Variants in CDH4 observed in about 807,000 individuals in gnomAD.
CDH4 encodes the protein cadherin 4, also known as cadherin-4.
CDH4 carries 33 observed loss-of-function variants against 86.0 expected under a neutral mutation model. The observed-to-expected ratio is 0.38, with a 90% CI of 0.29 to 0.51. The LOEUF (loss-of-function observed/expected upper bound fraction) is 0.51. Among genes scored for constraint, CDH4 ranks in the 20% least tolerant of loss-of-function variants. The probability of loss-of-function intolerance (pLI) is 0.86; values close to 1 mark genes in which losing one functional copy is unlikely to be tolerated. For synonymous variants in CDH4, 555 were observed against 549.4 expected, an observed-to-expected ratio of 1.01 and a Z score of -0.14; for missense variants, 1,114 against 1,307.4, an observed-to-expected ratio of 0.85 and a Z score of 2.28.
At chr20:61,730,097 G>C (rs2088160850) in intron 2 of CDH4, among the ~76,000 whole-genome samples, 1 of 152,120 alleles carries the variant, frequency 6.6e-6, no homozygotes, top group Non-Finnish European at 1.5e-5. Context: ...TTGCATTCGT[G>C]TGTTGCATTT....
intron 2 of CDH4, among the ~76,000 whole-genome samples, chr20:61,491,800 ATGT>A (rs1243436073): frequency 6.6e-6 from 1 of 151,544 alleles, no homozygotes; most frequent in African/African-American, 2.4e-5. Context: ...AATGGTGTTG[ATGT>A]TGGTGGTGCC....
chr20:61,314,735 G>T (rs1355448124), intron 2 of CDH4, among the ~76,000 whole-genome samples: 1 of 152,128 alleles, frequency 6.6e-6, no homozygotes, highest in African/African-American at 2.4e-5. Context: ...TATCTTCCCA[G>T]CAACAGCGGA....
chr20:61,408,375 G>A (rs1396352801), intron 2 of CDH4, among the ~76,000 whole-genome samples: 4 of 152,140 alleles, frequency 2.6e-5, no homozygotes, highest in Admixed American at 1.3e-4. Flanking sequence ...TGAGGGGAGT[G>A]TTCTGGGGGC....
chr20:61,935,540 C>G (rs2055173044), intron 15 of CDH4, among the ~76,000 whole-genome samples: 2 of 152,196 alleles, frequency 1.3e-5, no homozygotes, highest in South Asian at 4.1e-4. Flanking sequence ...GGTGGATCAC[C>G]TGAGGTCAGG....
intron 2 of CDH4, among the ~76,000 whole-genome samples, chr20:61,349,801 A>G (rs866222898): frequency 7.2e-5 from 11 of 152,208 alleles, no homozygotes; most frequent in Admixed American, 3.3e-4. Context: ...GTACGTGGAA[A>G]GGAGCATGTG....
At chr20:61,920,369 G>A (rs1156681267) in intron 9 of CDH4, among the ~76,000 whole-genome samples, 53 of 2,406 alleles carry the variant, frequency 0.022, 1 homozygote, top group Admixed American at 0.11. Context: ...GAAGCGTGTC[G>A]TGATTGGAAG....
rs866138229 is a variant in CDH4, at chr20:61,457,163, G to A, written c.169+202226G>A. ...CAAGCCACAGTGTTGCTATCACCAC[G>A]GGGGCCCTTTTGGAGACAAGGAGCG... On this transcript the variant is annotated intron_variant, in intron 2 of 15. Transcript: ENST00000614565. Among the ~76,000 whole-genome samples the A allele has an allele frequency of 1.3e-4, 20 of 152,232 alleles. No homozygotes were observed. The South Asian group carries it at 2.5e-3, about 19-fold the overall frequency.
chr20:61,497,935 T>C (rs2085673925), intron 2 of CDH4, among the ~76,000 whole-genome samples: 1 of 151,814 alleles, frequency 6.6e-6, no homozygotes, highest in Non-Finnish European at 1.5e-5. Flanking sequence ...GAAACCATCA[T>C]TCTCAGCAAA....
intron 8 of CDH4, among the ~76,000 whole-genome samples, chr20:61,895,488 C>T (rs900994896): frequency 1.3e-5 from 2 of 152,216 alleles, no homozygotes; most frequent in Non-Finnish European, 2.9e-5. Flanking sequence ...TGTGACTGGG[C>T]CCCATACCGG....
chr20:61,634,800 A>C (rs1021198437), intron 2 of CDH4, among the ~76,000 whole-genome samples: 2 of 152,178 alleles, frequency 1.3e-5, no homozygotes, highest in Non-Finnish European at 2.9e-5. Context: ...CCCATTAAAC[A>C]CAAACTTCCC....
chr20:61,845,385 A>G (rs1982396227), intron 5 of CDH4, among the ~76,000 whole-genome samples: 1 of 152,186 alleles, frequency 6.6e-6, no homozygotes, highest in African/African-American at 2.4e-5. Context: ...GAAATGCTAG[A>G]GAGACGTGGG....
At chr20:61,287,896 G>A (rs2084301762) in intron 2 of CDH4, among the ~76,000 whole-genome samples, 1 of 152,170 alleles carries the variant, frequency 6.6e-6, no homozygotes, top group Non-Finnish European at 1.5e-5. Flanking sequence ...CCAGTGTCCG[G>A]GTGGCACTGT....
chr20:61,448,949 G>A (rs1250267982), intron 2 of CDH4, among the ~76,000 whole-genome samples: 1 of 152,180 alleles, frequency 6.6e-6, no homozygotes, highest in African/African-American at 2.4e-5. Context: ...CAGCTGCAGT[G>A]TCTGGATTCT....
rs183218983 is a variant in CDH4, at chr20:61,680,292, C to T, written c.170-63271C>T. Reference sequence around the variant, plus strand: ...ACAGGGTGCCAGGCTGGGACTAAGACGGGGAAGAAGCTGCTGTGGGACCCG... The same window carrying T: ...ACAGGGTGCCAGGCTGGGACTAAGATGGGGAAGAAGCTGCTGTGGGACCCG... On this transcript the variant is annotated intron_variant, in intron 2 of 15. Coordinates refer to ENST00000614565, the MANE Select transcript of CDH4 (RefSeq NM_001794.5). 2.0e-4 allele frequency among the ~76,000 whole-genome samples: 31 copies of T among 152,298 alleles called. No individual in the cohort carries two copies. In the South Asian group the frequency reaches 2.9e-3, roughly 14 times the overall value.
intron 2 of CDH4, among the ~76,000 whole-genome samples, chr20:61,346,915 A>C (rs1009111328): frequency 1.3e-5 from 2 of 152,024 alleles, no homozygotes; most frequent in African/African-American, 4.8e-5. Context: ...TCTGTCCCTC[A>C]TCCCCATCCC....
chr20:61,861,761 G>A (rs999515003), intron 6 of CDH4, among the ~76,000 whole-genome samples: 33 of 152,216 alleles, frequency 2.2e-4, no homozygotes, highest in Non-Finnish European at 1.9e-4. Flanking sequence ...CATCAGGCAG[G>A]AGGGAGGAGG....
chr20:61,402,991 C>A (rs2145481351), intron 2 of CDH4, among the ~76,000 whole-genome samples: 1 of 152,334 alleles, frequency 6.6e-6, no homozygotes, highest in East Asian at 1.9e-4. Context: ...CGAAGCATCA[C>A]CCTGTCACTA....
chr20:61,576,109 T>C (rs1303181727), intron 2 of CDH4, among the ~76,000 whole-genome samples: 1 of 152,204 alleles, frequency 6.6e-6, no homozygotes, highest in Non-Finnish European at 1.5e-5. Context: ...AGGCACGCAG[T>C]GTGGGCTCCG....
chr20:61,519,408 A>G (rs1478973561), intron 2 of CDH4, among the ~76,000 whole-genome samples: 1 of 152,248 alleles, frequency 6.6e-6, no homozygotes, highest in Non-Finnish European at 1.5e-5. Context: ...GCAGCTGCAC[A>G]TGCAGGTGCC....
Sources: gnomAD v4.1 joint callset for allele counts (sites outside exome capture counted in the v4.1 genomes callset) on GRCh38, gnomAD v4.1.1 for gene constraint, MANE v1.5 for transcripts, NCBI Gene and HGNC (gene_info 2026-07-23, HGNC 2026-07-21) for gene names.